The following BBOX1 variants were observed in gnomAD, a reference collection of about 807,000 sequenced individuals.
BBOX1 encodes the protein gamma-butyrobetaine hydroxylase 1, also known as gamma-butyrobetaine dioxygenase.
In BBOX1, 35 loss-of-function variants were observed where a neutral mutation model predicts 41.6. The observed-to-expected ratio is 0.84, with a 90% CI of 0.64 to 1.11. The LOEUF is 1.11. BBOX1 is among the 50% of genes most tolerant of loss of function. BBOX1 has a pLI of 0.00. For synonymous variants in BBOX1, 163 were observed against 154.7 expected, an observed-to-expected ratio of 1.05 and a Z score of -0.40; for missense variants, 458 against 460.6, an observed-to-expected ratio of 0.99 and a Z score of 0.05.
At chr11:27,043,459 C>CAGAATGTGCAGGTTTGGGGTACCT (rs1564948369) in intron 2 of BBOX1, among the ~76,000 whole-genome samples, 1 of 151,306 alleles carries the variant, frequency 6.6e-6, no homozygotes. Context: ...TTGGGGTACA[C>CAGAATGTGCAGGTTTGGGGTACCT]GTGCAGAATG....
rs376992174 is a variant in BBOX1 at position 27,109,396 on chromosome 11, A to G, written c.534-6056A>G. 2.0e-3 allele frequency among the ~76,000 whole-genome samples: 300 copies of G among 152,194 alleles called. 14 individuals are homozygous for G. The South Asian group carries it at 0.058, about 30-fold the overall frequency. On this transcript the variant is annotated intron_variant, in intron 5 of 8. Transcript: ENST00000263182. The stretch of plus-strand genomic sequence containing the variant: ...CTTAGAAATAATAGACAGATTGTCC[A>G]AGATTATATAGTTATGAATTAGAAA...
At chr11:27,117,489 C>G (rs1211858339) in intron 6 of BBOX1, among the ~76,000 whole-genome samples, 1 of 151,902 alleles carries the variant, frequency 6.6e-6, no homozygotes, top group Non-Finnish European at 1.5e-5. Flanking sequence ...TGATTTTATT[C>G]TAAATGTGGC....
At chr11:27,055,699 G>A in intron 3 of BBOX1, 50 bp downstream of exon 3, 9 of 1,515,702 alleles carry the variant, frequency 5.9e-6, no homozygotes, top group Non-Finnish European at 8.2e-6. Context: ...TCAATAATGG[G>A]GCTAGTCAAC....
rs1199729799 is a variant in BBOX1 at position 27,119,649 on chromosome 11, GT to G, written c.642del (p.Gln215SerfsTer6). ...AATAATGCATATTTTCTTTTTATAGGTTCAGCTTCTTCACTGCATAAAGCAA... is the reference window on the plus strand; with the variant it reads ...AATAATGCATATTTTCTTTTTATAGGTCAGCTTCTTCACTGCATAAAGCAA... ...DYPALHHPPGVQLLHCIKQTV... is the reference protein window; with the variant it reads ...DYPALHHPPGXQLLHCIKQTV... On this transcript the variant is annotated frameshift_variant and splice_region_variant, in exon 7 of 9. Transcript: ENST00000263182. LOFTEE classifies it high-confidence loss of function. 7.1e-7 allele frequency: 1 copy of G among 1,413,922 alleles called. No individual in the cohort carries two copies. Among genetic ancestry groups the G allele is most frequent in the Non-Finnish European group, 9.2e-7 (1 of 1,082,084 alleles). 87.6% of individuals were successfully genotyped at this position (1,413,922 alleles called of 1,614,324 possible).
At chr11:27,098,535 G>A (rs1013586914) in intron 5 of BBOX1, among the ~76,000 whole-genome samples, 1 of 152,138 alleles carries the variant, frequency 6.6e-6, no homozygotes, top group African/African-American at 2.4e-5. Flanking sequence ...AACAACACTT[G>A]TGTAAGATGT....
At chr11:27,116,285 C>G (rs1199050982) in intron 6 of BBOX1, among the ~76,000 whole-genome samples, 1 of 151,310 alleles carries the variant, frequency 6.6e-6, no homozygotes, top group East Asian at 1.9e-4. Flanking sequence ...AACACATGGA[C>G]ACAGAGAGAG....
At position 27,071,394 on chromosome 11, in the gene BBOX1, A is replaced by AG. The variant is rs373288590; in HGVS notation, c.334+14084dup. On this transcript the variant is annotated intron_variant, in intron 4 of 8. Coordinates refer to ENST00000263182, the MANE Select transcript of BBOX1 (RefSeq NM_003986.3). ...AAGACTCCATCTCAAAAAAAAAAAA[A>AG]GGGGGCTAAAGATAGGATCCCAATC... Among the ~76,000 whole-genome samples, 316 of 148,618 alleles carry AG rather than the reference A, an allele frequency of 2.1e-3. 1 individual carries two copies. Among genetic ancestry groups the AG allele is most frequent in the African/African-American group, 7.4e-3 (299 of 40,606 alleles).
At chr11:27,047,678 C>T (rs553519388) in intron 2 of BBOX1, among the ~76,000 whole-genome samples, 1 of 152,128 alleles carries the variant, frequency 6.6e-6, no homozygotes, top group African/African-American at 2.4e-5. Flanking sequence ...GGTCTTATTC[C>T]TACAAGAACC....
intron 5 of BBOX1, among the ~76,000 whole-genome samples, chr11:27,110,525 A>G (rs1859022197): frequency 6.6e-6 from 1 of 151,944 alleles, no homozygotes; most frequent in African/African-American, 2.4e-5. Context: ...ACATACTCCG[A>G]ACTCAAAACC....
Position 27,127,469 on chromosome 11 carries a change from ATTTT to A in BBOX1, c.*17_*20del. 1 of 1,587,388 alleles carries A rather than the reference ATTTT, an allele frequency of 6.3e-7. No individual in the cohort carries two copies. The highest frequency in any genetic ancestry group is 1.4e-5 in the African/African-American group (1 of 73,298). On this transcript the variant is annotated 3_prime_UTR_variant, in exon 9 of 9. Transcript: ENST00000263182. ...TGGAAACTGAAGTCACCTGTAGATA[ATTTT>A]AATAAGATTCCAATGACCATATTTT...
chr11:27,075,849 T>A (rs1322758624), intron 4 of BBOX1, among the ~76,000 whole-genome samples: 2 of 152,182 alleles, frequency 1.3e-5, no homozygotes, highest in Non-Finnish European at 2.9e-5. Flanking sequence ...GCCCTAGCTG[T>A]GTCTGCAGTG....
At chr11:27,099,608 C>T (rs1858570376) in intron 5 of BBOX1, among the ~76,000 whole-genome samples, 1 of 151,982 alleles carries the variant, frequency 6.6e-6, no homozygotes, top group Non-Finnish European at 1.5e-5. Context: ...ACCCAGTGCC[C>T]CCCAGCATCT....
intron 5 of BBOX1, among the ~76,000 whole-genome samples, chr11:27,099,815 T>G (rs1412103964): frequency 6.6e-6 from 1 of 152,140 alleles, no homozygotes; most frequent in Admixed American, 6.6e-5. Flanking sequence ...CTATGTCCTT[T>G]GAGGTCCTTG....
At chr11:27,087,814 C>T (rs769204492) in intron 4 of BBOX1, among the ~76,000 whole-genome samples, 1 of 151,990 alleles carries the variant, frequency 6.6e-6, no homozygotes, top group Non-Finnish European at 1.5e-5. Context: ...AGCAAAACTC[C>T]TAACTAGAGC....
At chr11:27,050,919 T>C (rs1414536082) in intron 2 of BBOX1, among the ~76,000 whole-genome samples, 2 of 152,094 alleles carry the variant, frequency 1.3e-5, no homozygotes, top group African/African-American at 2.4e-5. Flanking sequence ...TTCCCAATCT[T>C]AGAGGAAAAG....
At chr11:27,117,316 T>G (rs1859303881) in intron 6 of BBOX1, among the ~76,000 whole-genome samples, 1 of 152,062 alleles carries the variant, frequency 6.6e-6, no homozygotes, top group South Asian at 2.1e-4. Context: ...TTACCCATTC[T>G]TCTTGCCAGT....
rs373891673 is a variant in BBOX1, at chr11:27,051,051, T to G, written c.-38-4342T>G. Among the ~76,000 whole-genome samples, 25 of 152,220 alleles carry G rather than the reference T, an allele frequency of 1.6e-4. No homozygotes were observed. In the South Asian group the frequency reaches 2.1e-3, roughly 13 times the overall value. ...GATAATTATTATCATAAAAGGATGTTGAATTTTATCAAATGCCACTTCTGC... is the reference window on the plus strand; with the variant it reads ...GATAATTATTATCATAAAAGGATGTGGAATTTTATCAAATGCCACTTCTGC... On this transcript the variant is annotated intron_variant, in intron 2 of 8. Transcript: ENST00000263182.
intron 2 of BBOX1, among the ~76,000 whole-genome samples, chr11:27,051,530 A>C (rs995269389): frequency 2.0e-5 from 3 of 151,984 alleles, no homozygotes; most frequent in African/African-American, 7.2e-5. Flanking sequence ...CAGATTTTCT[A>C]TTCATGATTC....
intron 4 of BBOX1, among the ~76,000 whole-genome samples, chr11:27,087,448 AT>A (rs1190392382): frequency 2.0e-5 from 3 of 152,062 alleles, no homozygotes; most frequent in African/African-American, 7.2e-5. Flanking sequence ...GCAATAAAGC[AT>A]TTTTTAATTA....
Sources: allele counts gnomAD v4.1 joint callset (sites outside exome capture counted in the v4.1 genomes callset), GRCh38; gene constraint gnomAD v4.1.1; transcripts MANE v1.5; gene names NCBI Gene and HGNC (gene_info 2026-07-23, HGNC 2026-07-21).